Variants in ARHGAP32 observed in about 807,000 individuals in gnomAD.
The protein encoded by ARHGAP32 is Rho GTPase activating protein 32.
ARHGAP32 carries 51 observed loss-of-function variants against 186.5 expected under a neutral mutation model. That is an observed-to-expected ratio of 0.27 (90% CI 0.22 to 0.35). ARHGAP32 has a LOEUF of 0.35. Among genes scored for constraint, ARHGAP32 ranks in the 10% least tolerant of loss-of-function variants. ARHGAP32 has a pLI of 1.00. For missense variants in ARHGAP32, 2,186 were observed against 2,623.5 expected (o/e 0.83, Z 3.64); for synonymous variants, 950 against 964.3 (o/e 0.99, Z 0.27).
Position 128,998,497 on chromosome 11 carries a change from A to G in ARHGAP32, c.1046-29T>C, listed in dbSNP as rs112957285. The G allele has an allele frequency of 2.0e-5, 30 of 1,497,442 alleles. No individual in the cohort carries two copies. In the African/African-American group the frequency reaches 2.8e-4, roughly 14 times the overall value. 92.8% of individuals were successfully genotyped at this position (1,497,442 alleles called of 1,614,324 possible). A position where few individuals can be genotyped will look rare whatever the true frequency, so the allele number is the denominator to read the frequency against. On this transcript the variant is annotated intron_variant, in intron 11 of 22. Coordinates refer to ENST00000682385, the MANE Select transcript of ARHGAP32 (RefSeq NM_001378024.1). Reference sequence around the variant, plus strand: ...AAAATCAATAAAGAGAAAAGATCTTAGTTGTGGCAAGAGGTTACATTTTAC... The same window carrying G: ...AAAATCAATAAAGAGAAAAGATCTTGGTTGTGGCAAGAGGTTACATTTTAC...
chr11:129,110,582 T>C (rs1460633667), intron 5 of ARHGAP32, among the ~76,000 whole-genome samples: 1 of 152,056 alleles, frequency 6.6e-6, no homozygotes, highest in African/African-American at 2.4e-5. Flanking sequence ...GCATGGGAGG[T>C]CTCCATTTGT....
intron 2 of ARHGAP32, among the ~76,000 whole-genome samples, chr11:129,127,441 T>C (rs564084381): frequency 2.1e-4 from 32 of 152,268 alleles, no homozygotes; most frequent in Non-Finnish European, 2.4e-4. Context: ...CAGCAATATT[T>C]TCCTAGAGCA....
At chr11:129,180,189 T>C (rs1026793181) in intron 1 of ARHGAP32, among the ~76,000 whole-genome samples, 2 of 152,104 alleles carry the variant, frequency 1.3e-5, no homozygotes, top group Admixed American at 6.6e-5. Flanking sequence ...CTACTACTCA[T>C]AAATAAAAAG....
At chr11:129,242,780 T>C (rs1470111295) in intron 1 of ARHGAP32, among the ~76,000 whole-genome samples, 1 of 151,720 alleles carries the variant, frequency 6.6e-6, no homozygotes, top group Non-Finnish European at 1.5e-5. Flanking sequence ...TTAATGACAG[T>C]TTTTTCTAGG....
At chr11:129,267,141 C>T (rs1041135998) in intron 1 of ARHGAP32, among the ~76,000 whole-genome samples, 4 of 152,156 alleles carry the variant, frequency 2.6e-5, no homozygotes, top group African/African-American at 9.7e-5. Context: ...GGGTAGATGA[C>T]TTGAGATCAG....
intron 11 of ARHGAP32, among the ~76,000 whole-genome samples, chr11:129,009,737 T>C (rs1937977104): frequency 6.6e-6 from 1 of 152,190 alleles, no homozygotes; most frequent in South Asian, 2.1e-4. Flanking sequence ...AGTCTATCAC[T>C]GATGAGCATT....
Position 129,066,744 on chromosome 11 carries a change from T to A in ARHGAP32, c.656A>T (p.Lys219Met). 6.2e-7 allele frequency: 1 copy of A among 1,612,292 alleles called. No homozygotes were observed. Among genetic ancestry groups the A allele is most frequent in the African/African-American group, 1.3e-5 (1 of 74,954 alleles). Reference sequence around the variant, plus strand: ...CTAAATGCTTACCTCTGGACTGTCCTTCAGGGTGTCAGAACGGGGAAGTTC... The same window carrying A: ...CTAAATGCTTACCTCTGGACTGTCCATCAGGGTGTCAGAACGGGGAAGTTC... ...LSELPRSDTL[K>M]DSPESVTQML... The change falls in exon 7 of 23, where the codon AAG becomes ATG. Residue 219 changes from lysine to methionine, a missense_variant. Coordinates refer to ENST00000682385, the MANE Select transcript of ARHGAP32 (RefSeq NM_001378024.1).
At chr11:129,031,876 A>G (rs985914917) in intron 11 of ARHGAP32, among the ~76,000 whole-genome samples, 2 of 152,148 alleles carry the variant, frequency 1.3e-5, no homozygotes, top group African/African-American at 4.8e-5. Flanking sequence ...AGAATAAGAG[A>G]AGCAGCCGGA....
intron 12 of ARHGAP32, among the ~76,000 whole-genome samples, chr11:128,989,716 C>A (rs1377147302): frequency 1.3e-5 from 2 of 152,004 alleles, no homozygotes; most frequent in Admixed American, 1.3e-4. Context: ...CCCTAGCCCC[C>A]CAACCCCCCG....
intron 6 of ARHGAP32, among the ~76,000 whole-genome samples, chr11:129,081,753 CTA>C (rs1041210888): frequency 1.3e-5 from 2 of 151,630 alleles, no homozygotes; most frequent in African/African-American, 4.8e-5. Flanking sequence ...CTAGCTAGAA[CTA>C]TCAGACAAGA....
chr11:129,075,842 C>T (rs767640048), intron 6 of ARHGAP32, among the ~76,000 whole-genome samples: 24 of 152,100 alleles, frequency 1.6e-4, no homozygotes, highest in Non-Finnish European at 2.8e-4. Flanking sequence ...ACCAGAAGGA[C>T]TCCATCTTGA....
chr11:129,080,834 T>C (rs1479777375), intron 6 of ARHGAP32, among the ~76,000 whole-genome samples: 1 of 151,720 alleles, frequency 6.6e-6, no homozygotes, highest in Non-Finnish European at 1.5e-5. Context: ...TTTGAAAAGA[T>C]AAATAAAATC....
At chr11:129,266,598 G>T (rs766987322) in intron 1 of ARHGAP32, among the ~76,000 whole-genome samples, 2 of 152,114 alleles carry the variant, frequency 1.3e-5, no homozygotes, top group Non-Finnish European at 2.9e-5. Flanking sequence ...TCTAATTTGA[G>T]GCACCATAAG....
rs914675931 is a variant in ARHGAP32 at position 129,121,178 on chromosome 11, G to GT, written c.444+2267dup. On this transcript the variant is annotated intron_variant, in intron 5 of 22. Transcript: ENST00000682385. ...GGATTGTTTAGAGGTTAATATGATT[G>GT]TTTTTTTTTTCTTTAAATGGCATTC... Among the ~76,000 whole-genome samples, 242 of 148,448 alleles carry GT rather than the reference G, an allele frequency of 1.6e-3. 2 individuals are homozygous for GT. The highest frequency in any genetic ancestry group is 3.5e-3 in the Middle Eastern group (1 of 286).
chr11:129,271,779 T>G (rs938872668), intron 1 of ARHGAP32, among the ~76,000 whole-genome samples: 1 of 152,180 alleles, frequency 6.6e-6, no homozygotes, highest in Non-Finnish European at 1.5e-5. Flanking sequence ...AGTTGGCCAC[T>G]GTGAAATGCT....
chr11:129,144,970 T>A (rs370964813), intron 2 of ARHGAP32, among the ~76,000 whole-genome samples: 162 of 152,292 alleles, frequency 1.1e-3, no homozygotes, highest in African/African-American at 3.8e-3. Flanking sequence ...AACAGCTGGT[T>A]AATCAACCTA....
At chr11:128,978,986 A>G (rs1405993263) in intron 18 of ARHGAP32, 71 bp from the exon 19 acceptor site, 2 of 1,403,370 alleles carry the variant, frequency 1.4e-6, no homozygotes, top group South Asian at 2.8e-5. Flanking sequence ...AAAGAAATGA[A>G]CACATGACAG....
At chr11:129,250,934 A>C (rs937772711) in intron 1 of ARHGAP32, among the ~76,000 whole-genome samples, 6 of 152,328 alleles carry the variant, frequency 3.9e-5, no homozygotes, top group African/African-American at 1.4e-4. Context: ...TATGAATTCT[A>C]CTATTTTTGC....
At chr11:129,274,246 C>A (rs1945505344) in intron 1 of ARHGAP32, among the ~76,000 whole-genome samples, 1 of 152,190 alleles carries the variant, frequency 6.6e-6, no homozygotes, top group African/African-American at 2.4e-5. Flanking sequence ...GGGGAATATT[C>A]CTGCTCAAGC....
Sources: gnomAD v4.1 joint callset for allele counts (sites outside exome capture counted in the v4.1 genomes callset) on GRCh38, gnomAD v4.1.1 for gene constraint, MANE v1.5 for transcripts, NCBI Gene and HGNC (gene_info 2026-07-23, HGNC 2026-07-21) for gene names.